Variants in COL19A1 observed in about 807,000 individuals in gnomAD.
The protein encoded by COL19A1 is collagen type XIX alpha 1 chain, also known as collagen alpha-1(XIX) chain.
A neutral mutation model predicts 190.2 loss-of-function variants in COL19A1; 159 were observed. The observed-to-expected ratio is 0.84, with a 90% CI of 0.73 to 0.95. The LOEUF (loss-of-function observed/expected upper bound fraction) is 0.95. COL19A1 is among the 40% of genes least tolerant of loss of function. The pLI is 0.00. For missense variants in COL19A1, 1,418 were observed against 1,431.9 expected, an observed-to-expected ratio of 0.99 and a Z score of 0.16; for synonymous variants, 509 against 458.9, an observed-to-expected ratio of 1.11 and a Z score of -1.39.
At chr6:69,883,923 A>G (rs1017027910) in intron 2 of COL19A1, among the ~76,000 whole-genome samples, 1 of 150,386 alleles carries the variant, frequency 6.6e-6, no homozygotes, top group African/African-American at 2.5e-5. Context: ...AGAGGAGAAA[A>G]AAGGAATTCA....
chr6:70,010,008 A>G (rs1009535094), intron 11 of COL19A1, among the ~76,000 whole-genome samples: 2 of 152,230 alleles, frequency 1.3e-5, no homozygotes, highest in South Asian at 2.1e-4. Context: ...AAAATACAGA[A>G]TAAATACTTT....
intron 16 of COL19A1, among the ~76,000 whole-genome samples, chr6:70,110,540 TG>T (rs979659391): frequency 4.6e-5 from 7 of 152,154 alleles, no homozygotes; most frequent in Non-Finnish European, 5.9e-5. Flanking sequence ...TTGTCCCTCA[TG>T]GGGGTAATGG....
At chr6:70,196,906 G>A (rs949662833) in intron 48 of COL19A1, among the ~76,000 whole-genome samples, 1 of 152,160 alleles carries the variant, frequency 6.6e-6, no homozygotes. Flanking sequence ...GTAGGGTTCA[G>A]AAGAGGTAAT....
chr6:70,076,409 C>T (rs1781886096), intron 15 of COL19A1, among the ~76,000 whole-genome samples: 1 of 152,096 alleles, frequency 6.6e-6, no homozygotes, highest in African/African-American at 2.4e-5. Context: ...TTAAAAATCA[C>T]TAACTTAATT....
intron 4 of COL19A1, among the ~76,000 whole-genome samples, chr6:69,911,840 C>A (rs1189222995): frequency 6.6e-6 from 1 of 152,194 alleles, no homozygotes; most frequent in Non-Finnish European, 1.5e-5. Flanking sequence ...TCTTACTCTA[C>A]AAATATATAC....
chr6:70,137,770 C>T, intron 19 of COL19A1, 23 bp downstream of exon 19: 1 of 1,609,592 alleles, frequency 6.2e-7, no homozygotes, highest in Non-Finnish European at 8.5e-7. Context: ...GCTTTGAGGA[C>T]AGAGGAAGAA....
In COL19A1 at chr6:70,199,648, A is replaced by C. The variant is rs1361079139; in HGVS notation, c.3135A>C (p.Ala1045=). 1 of 1,607,316 alleles carries C rather than the reference A, an allele frequency of 6.2e-7. No homozygotes were observed. The part of the protein sequence containing the change: ...AVFLSQLKLP[A]AMLAAQAYGR... ...TCCTATCCCAGCTCAAGCTGCCAGC[A>C]GCAATGTTGGCTGCCCAAGCTTATG... The change falls in exon 49 of 51, where the codon GCA becomes GCC. Residue 1045 remains alanine (A), a synonymous_variant. Transcript: ENST00000620364.
chr6:70,129,669 A>T (rs1785406357), intron 17 of COL19A1, among the ~76,000 whole-genome samples: 1 of 152,204 alleles, frequency 6.6e-6, no homozygotes. Flanking sequence ...TGGGCAATAT[A>T]CTGAGACACC....
intron 1 of COL19A1, among the ~76,000 whole-genome samples, chr6:69,875,183 G>C (rs943329209): frequency 4.6e-5 from 7 of 152,206 alleles, no homozygotes; most frequent in African/African-American, 1.7e-4. Flanking sequence ...AACACAGAAT[G>C]TTCCAGGATG....
intron 3 of COL19A1, among the ~76,000 whole-genome samples, chr6:69,899,316 C>T (rs1770005198): frequency 6.6e-6 from 1 of 151,970 alleles, no homozygotes. Flanking sequence ...AGGCACATGG[C>T]TATTTTTTGT....
At chr6:69,889,809 G>A (rs548941316) in intron 2 of COL19A1, 12 of 152,410 alleles carry the variant, frequency 7.9e-5, no homozygotes, top group Admixed American at 2.6e-4. Context: ...TCAGCAGGAT[G>A]TGGGTGGGGA....
At chr6:70,154,910 T>A (rs1276886499) in intron 31 of COL19A1, among the ~76,000 whole-genome samples, 1 of 152,158 alleles carries the variant, frequency 6.6e-6, no homozygotes. Context: ...CTAGCCGAGC[T>A]GGCACCTGAT....
intron 14 of COL19A1, among the ~76,000 whole-genome samples, chr6:70,038,672 G>A (rs1342743941): frequency 6.6e-6 from 1 of 152,084 alleles, no homozygotes; most frequent in Non-Finnish European, 1.5e-5. Flanking sequence ...AAAATTTAAT[G>A]TATGTAGGAA....
intron 14 of COL19A1, among the ~76,000 whole-genome samples, chr6:70,036,141 A>G (rs1395487995): frequency 1.3e-5 from 2 of 152,234 alleles, no homozygotes; most frequent in African/African-American, 2.4e-5. Context: ...TCATACAGGT[A>G]GTTACAATTA....
chr6:69,881,162 T>C (rs1191174171), intron 2 of COL19A1, among the ~76,000 whole-genome samples: 1 of 152,180 alleles, frequency 6.6e-6, no homozygotes, highest in African/African-American at 2.4e-5. Context: ...ATTTGGTAAT[T>C]TACATCTTTA....
chr6:69,911,806 G>C (rs2149987509), intron 4 of COL19A1, among the ~76,000 whole-genome samples: 1 of 152,226 alleles, frequency 6.6e-6, no homozygotes, highest in South Asian at 2.1e-4. Context: ...GGTCTTCAGT[G>C]CTCCTCTCCA....
At position 70,041,976 on chromosome 6, in the gene COL19A1, G is replaced by A. The variant is rs148026324; in HGVS notation, c.1170+6037G>A. The stretch of plus-strand genomic sequence containing the variant: ...CCAGCTACTCAGGGAGGCTAAGTGG[G>A]AGAATTGCCTAAACCCAGGAGGAGG... On this transcript the variant is annotated intron_variant, in intron 14 of 50. Transcript: ENST00000620364. Among the ~76,000 whole-genome samples the A allele has an allele frequency of 5.7e-3, 864 of 152,278 alleles. 5 individuals are homozygous for A. Among genetic ancestry groups the A allele is most frequent in the Non-Finnish European group, 8.4e-3 (570 of 68,018 alleles).
chr6:70,125,685 A>C (rs754210130), intron 17 of COL19A1, among the ~76,000 whole-genome samples: 12 of 152,182 alleles, frequency 7.9e-5, no homozygotes, highest in African/African-American at 1.4e-4. Flanking sequence ...GTTTATGTGG[A>C]TTTTTGCATG....
intron 2 of COL19A1, among the ~76,000 whole-genome samples, chr6:69,887,247 G>A (rs1018867736): frequency 2.0e-5 from 3 of 152,092 alleles, no homozygotes; most frequent in Non-Finnish European, 2.9e-5. Flanking sequence ...ACCTACTGGG[G>A]CTTCCCTACA....
Sources: gnomAD v4.1 joint callset for allele counts (sites outside exome capture counted in the v4.1 genomes callset) on GRCh38, gnomAD v4.1.1 for gene constraint, MANE v1.5 for transcripts, NCBI Gene and HGNC (gene_info 2026-07-23, HGNC 2026-07-21) for gene names.